The following PBX3 variants were observed in gnomAD, a reference collection of about 807,000 sequenced individuals.
PBX3 encodes pre-B-cell leukemia transcription factor 3.
In PBX3, 14 loss-of-function variants were observed where a neutral mutation model predicts 48.5. The observed-to-expected ratio is 0.29, with a 90% CI of 0.19 to 0.45. PBX3 has a LOEUF of 0.45. PBX3 is among the 20% of genes least tolerant of loss of function. PBX3 has a pLI of 1.00. For synonymous variants in PBX3, 210 were observed against 200.3 expected, an observed-to-expected ratio of 1.05 and a Z score of -0.41; for missense variants, 386 against 546.7, an observed-to-expected ratio of 0.71 and a Z score of 2.93.
chr9:125,814,473 G>T (rs1225648155), intron 2 of PBX3, among the ~76,000 whole-genome samples: 2 of 152,114 alleles, frequency 1.3e-5, no homozygotes, highest in Admixed American at 6.5e-5. Context: ...TATACATTTA[G>T]ATCCCAGGAT....
chr9:125,800,639 T>C (rs900052425), intron 2 of PBX3, among the ~76,000 whole-genome samples: 4 of 152,204 alleles, frequency 2.6e-5, no homozygotes, highest in African/African-American at 9.7e-5. Context: ...AGAAGTTTTT[T>C]TTTTATAGCT....
chr9:125,765,500 A>G (rs1004743899), intron 2 of PBX3, among the ~76,000 whole-genome samples: 1 of 152,116 alleles, frequency 6.6e-6, no homozygotes, highest in African/African-American at 2.4e-5. Context: ...CTGATATCTG[A>G]TAATAGGGTT....
At chr9:125,849,252 A>G (rs979243945) in intron 2 of PBX3, among the ~76,000 whole-genome samples, 1 of 151,976 alleles carries the variant, frequency 6.6e-6, no homozygotes, top group African/African-American at 2.4e-5. Context: ...ATTTATTTGC[A>G]GATATAACAG....
In PBX3 at chr9:125,778,564, T is replaced by C. The variant is rs1369281438; in HGVS notation, c.274+29941T>C. Among the ~76,000 whole-genome samples the C allele has an allele frequency of 3.3e-5, 5 of 151,490 alleles. 1 individual carries two copies. The highest frequency in any genetic ancestry group is 6.6e-5 in the Admixed American group (1 of 15,224). ...GAGCCACTGCGCCCGGCCTTTTTTT[T>C]CCTTCGTGTAGCTAAAGTTTATCAA... On this transcript the variant is annotated intron_variant, in intron 2 of 8. Transcript: ENST00000373489.
chr9:125,792,266 T>C (rs1837635543), intron 2 of PBX3, among the ~76,000 whole-genome samples: 1 of 152,038 alleles, frequency 6.6e-6, no homozygotes, highest in Non-Finnish European at 1.5e-5. Flanking sequence ...AAAAGACCTT[T>C]TTGGTAGAGG....
intron 2 of PBX3, among the ~76,000 whole-genome samples, chr9:125,900,155 G>C (rs984829986): frequency 6.6e-6 from 1 of 151,002 alleles, no homozygotes; most frequent in African/African-American, 2.4e-5. Context: ...CTTTATTGTA[G>C]ATAATTTTTT....
chr9:125,807,165 AGT>A (rs1838148876), intron 2 of PBX3, among the ~76,000 whole-genome samples: 1 of 152,148 alleles, frequency 6.6e-6, no homozygotes, highest in South Asian at 2.1e-4. Flanking sequence ...TCTAGTAAAA[AGT>A]ACATAAATTA....
chr9:125,948,527 A>G (rs955480461), intron 5 of PBX3, among the ~76,000 whole-genome samples: 9 of 152,216 alleles, frequency 5.9e-5, no homozygotes, highest in Non-Finnish European at 1.2e-4. Flanking sequence ...ATCACAATAG[A>G]AATTAGAAAA....
intron 2 of PBX3, among the ~76,000 whole-genome samples, chr9:125,886,536 A>G (rs889784628): frequency 6.6e-6 from 1 of 152,136 alleles, no homozygotes; most frequent in Admixed American, 6.5e-5. Flanking sequence ...TGAACAAGGG[A>G]ATTCAACGGG....
At chr9:125,764,139 A>G (rs1836743349) in intron 2 of PBX3, among the ~76,000 whole-genome samples, 1 of 152,242 alleles carries the variant, frequency 6.6e-6, no homozygotes, top group Non-Finnish European at 1.5e-5. Context: ...GGCGGGGATA[A>G]GAGTGTTGCA....
At chr9:125,935,360 TA>T (rs1841813048) in intron 4 of PBX3, 111 bp from the exon 5 acceptor site, 4 of 871,874 alleles carry the variant, frequency 4.6e-6, no homozygotes, top group Non-Finnish European at 7.2e-6. Flanking sequence ...AATTAGACCT[TA>T]AGGATGTTTA....
intron 5 of PBX3, among the ~76,000 whole-genome samples, chr9:125,959,294 C>T (rs1842375820): frequency 2.0e-5 from 3 of 152,242 alleles, no homozygotes; most frequent in Admixed American, 2.0e-4. Context: ...ATCTGTAGCA[C>T]ATTTACTTCC....
At chr9:125,948,282 A>C (rs986252468) in intron 5 of PBX3, among the ~76,000 whole-genome samples, 1 of 152,218 alleles carries the variant, frequency 6.6e-6, no homozygotes, top group Non-Finnish European at 1.5e-5. Context: ...CAACAACTGC[A>C]GAATACACAT....
At chr9:125,829,378 T>C (rs567968813) in intron 2 of PBX3, among the ~76,000 whole-genome samples, 31 of 152,294 alleles carry the variant, frequency 2.0e-4, no homozygotes, top group Admixed American at 1.1e-3. Flanking sequence ...TATACACTTG[T>C]CACGTTTCTG....
At chr9:125,780,636 G>A (rs1305698615) in intron 2 of PBX3, among the ~76,000 whole-genome samples, 6 of 139,270 alleles carry the variant, frequency 4.3e-5, no homozygotes, top group South Asian at 2.3e-4. Flanking sequence ...CTGGCCGGGC[G>A]GGGGGCTGAC....
chr9:125,773,197 T>G (rs1236564264), intron 2 of PBX3, among the ~76,000 whole-genome samples: 1 of 152,214 alleles, frequency 6.6e-6, no homozygotes, highest in Non-Finnish European at 1.5e-5. Flanking sequence ...GATATGTATT[T>G]GTAATGGGGT....
chr9:125,854,578 A>G (rs2132270854), intron 2 of PBX3, among the ~76,000 whole-genome samples: 1 of 152,290 alleles, frequency 6.6e-6, no homozygotes, highest in Non-Finnish European at 1.5e-5. Flanking sequence ...TAGTTATCTA[A>G]ATACACCTTT....
At chr9:125,888,703 A>T (rs1431846191) in intron 2 of PBX3, among the ~76,000 whole-genome samples, 1 of 152,160 alleles carries the variant, frequency 6.6e-6, no homozygotes, top group Non-Finnish European at 1.5e-5. Context: ...TAAATTTATA[A>T]TGCCCTGTTT....
At chr9:125,916,013 G>C in intron 3 of PBX3, 86 bp downstream of exon 3, 4 of 1,525,396 alleles carry the variant, frequency 2.6e-6, no homozygotes, top group Non-Finnish European at 3.5e-6. Flanking sequence ...AGGGCTGTGA[G>C]GGGTAGGTGT....
Sources: gnomAD v4.1 joint callset for allele counts (sites outside exome capture counted in the v4.1 genomes callset) on GRCh38, gnomAD v4.1.1 for gene constraint, MANE v1.5 for transcripts, NCBI Gene and HGNC (gene_info 2026-07-23, HGNC 2026-07-21) for gene names.